LRRC27: variants seen among roughly 807,000 people sequenced by gnomAD.
LRRC27 encodes leucine-rich repeat-containing protein 27.
Under a neutral mutation model 55.0 loss-of-function variants are expected in LRRC27, and 57 were observed. The ratio of observed to expected loss-of-function variants is 1.04; its 90% CI spans 0.84 to 1.29. The LOEUF is 1.29. LRRC27 is among the 50% of genes most tolerant of loss of function. The pLI, the probability that LRRC27 is intolerant of heterozygous loss-of-function variation, is 0.00. For synonymous variants in LRRC27, 278 were observed against 251.9 expected (o/e 1.10, Z -0.98); for missense variants, 721 against 651.5 (o/e 1.11, Z -1.16).
intron 10 of LRRC27, among the ~76,000 whole-genome samples, chr10:132,368,666 T>C (rs1291885852): frequency 1.3e-5 from 2 of 149,344 alleles, no homozygotes; most frequent in African/African-American, 4.8e-5. Flanking sequence ...AAATGGATCA[T>C]AGACCTAAAC....
chr10:132,346,374 A>T (rs1283941553), intron 5 of LRRC27, among the ~76,000 whole-genome samples: 1 of 152,042 alleles, frequency 6.6e-6, no homozygotes, highest in Non-Finnish European at 1.5e-5. Flanking sequence ...TGTCCTTTCA[A>T]TTACTTTAAA....
chr10:132,379,811 G>A lies in LRRC27; in HGVS notation c.*4569G>A, dbSNP rs549093042. 6.6e-6 allele frequency: 1 copy of A among 151,960 alleles called. No homozygotes were observed. Among genetic ancestry groups the A allele is most frequent in the South Asian group, 2.1e-4 (1 of 4,802 alleles). The allele number at this position is 151,960 out of a possible 1,614,324, so 9.4% of individuals were successfully genotyped here. ...TTGAACAAGAGTTTGAATTATAAGGGTCCACTTATAAGTGGATTTTTAAAA... is the reference window on the plus strand; with the variant it reads ...TTGAACAAGAGTTTGAATTATAAGGATCCACTTATAAGTGGATTTTTAAAA... On this transcript the variant is annotated 3_prime_UTR_variant, in exon 11 of 11. Transcript: ENST00000368614.
In LRRC27 at chr10:132,378,232, TG is replaced by T. The variant is rs1162166661; in HGVS notation, c.*2993del. The T allele has an allele frequency of 6.6e-6, 1 of 151,926 alleles. No individual in the cohort carries two copies. The highest frequency in any genetic ancestry group is 1.9e-4 in the East Asian group (1 of 5,182). The allele number at this position is 151,926 out of a possible 1,614,324, so 9.4% of individuals were successfully genotyped here. A position where few individuals can be genotyped will look rare whatever the true frequency, so the allele number is the denominator to read the frequency against. On this transcript the variant is annotated 3_prime_UTR_variant, in exon 11 of 11. Transcript: ENST00000368614. ...TTATTTGTTGCTCCTTTGAAGGTAA[TG>T]GGTCTTTTTTCTTTGTCTTAAAATT...
intron 2 of LRRC27, among the ~76,000 whole-genome samples, chr10:132,335,397 T>C (rs1049455875): frequency 1.3e-4 from 19 of 150,520 alleles, no homozygotes; most frequent in African/African-American, 4.4e-4. Context: ...ACAGTCTTCC[T>C]GGACTTCGCC....
chr10:132,361,656 G>A (rs1465218660), intron 9 of LRRC27, 81 bp downstream of exon 9: 38 of 1,033,026 alleles, frequency 3.7e-5, no homozygotes, highest in Non-Finnish European at 4.7e-5. Flanking sequence ...TATTTCATGA[G>A]CATGCACTGA....
rs2068275389 is a variant in LRRC27, at chr10:132,355,688, C to T, written c.1074-102C>T. The T allele has an allele frequency of 4.6e-6, 4 of 868,152 alleles. No individual in the cohort carries two copies. In the East Asian group the frequency reaches 8.4e-5, roughly 18 times the overall value. The allele number at this position is 868,152 out of a possible 1,614,324, so 53.8% of individuals were successfully genotyped here. ...CATGCACGCCCCCAGCCTGTGCCCC[C>T]TGGAGACAGGTGCACCGCAAGGCTG... On this transcript the variant is annotated intron_variant, in intron 7 of 10. Coordinates refer to ENST00000368614, the MANE Select transcript of LRRC27 (RefSeq NM_030626.3).
chr10:132,354,506 C>T (rs981427511), intron 7 of LRRC27, among the ~76,000 whole-genome samples: 2 of 152,174 alleles, frequency 1.3e-5, no homozygotes, highest in Non-Finnish European at 1.5e-5. Context: ...GGGCTGGGGG[C>T]TGGGGGCTGG....
In LRRC27 at chr10:132,381,496, C is replaced by T. The variant is rs1380347269; in HGVS notation, c.*6254C>T. 6.6e-6 allele frequency among the ~76,000 whole-genome samples: 1 copy of T among 152,204 alleles called. No individual in the cohort carries two copies. The highest frequency in any genetic ancestry group is 1.5e-5 in the Non-Finnish European group (1 of 68,038). ...TGCCTCAGTTCTCCTTAATAAACTC[C>T]ATTTCATATGTATATATATCCTATT... On this transcript the variant is annotated 3_prime_UTR_variant, in exon 11 of 11. Transcript: ENST00000368614.
At chr10:132,356,797 C>T (rs2132999772) in intron 8 of LRRC27, among the ~76,000 whole-genome samples, 1 of 152,394 alleles carries the variant, frequency 6.6e-6, no homozygotes, top group African/African-American at 2.4e-5. Context: ...CTCCTCCCTC[C>T]AGAATGCGCC....
chr10:132,371,566 G>A (rs2069217313), intron 10 of LRRC27, among the ~76,000 whole-genome samples: 1 of 152,210 alleles, frequency 6.6e-6, no homozygotes. Flanking sequence ...CTGCCTGCTT[G>A]TCAGGAGGCT....
At chr10:132,363,431 C>T (rs935160783) in intron 9 of LRRC27, among the ~76,000 whole-genome samples, 1 of 152,190 alleles carries the variant, frequency 6.6e-6, no homozygotes, top group Non-Finnish European at 1.5e-5. Flanking sequence ...AAGGACCAGG[C>T]TGACACGGAG....
At chr10:132,363,449 G>A (rs1317702014) in intron 9 of LRRC27, among the ~76,000 whole-genome samples, 1 of 152,188 alleles carries the variant, frequency 6.6e-6, no homozygotes. Context: ...GAGCCTCAGT[G>A]TGGACACACC....
Position 132,361,365 on chromosome 10 carries a change from C to T in LRRC27, c.1171-92C>T, listed in dbSNP as rs139250878. On this transcript the variant is annotated intron_variant, in intron 8 of 10. Transcript: ENST00000368614. ...GGCCTCGGACCCACCTCTTCGTGGA[C>T]GAGGAGCTAGTCTAACACACCTTGC... The T allele has an allele frequency of 5.9e-5, 64 of 1,081,140 alleles. 1 individual carries two copies. Among genetic ancestry groups the T allele is most frequent in the Middle Eastern group, 2.0e-4 (1 of 4,988 alleles). 67.0% of individuals were successfully genotyped at this position (1,081,140 alleles called of 1,614,324 possible).
Position 132,333,739 on chromosome 10 carries a change from G to A in LRRC27, c.210+5G>A. On this transcript the variant is annotated splice_donor_5th_base_variant and intron_variant, in intron 2 of 10. Transcript: ENST00000368614. ...TTTAGAATCCCCAGCCTTCAAGTAA[G>A]TGGGGCTGCTCCTCAGGCTGTGTGC... 6.2e-7 allele frequency: 1 copy of A among 1,610,576 alleles called. No homozygotes were observed. Among genetic ancestry groups the A allele is most frequent in the Non-Finnish European group, 8.5e-7 (1 of 1,178,690 alleles).
At chr10:132,331,817 C>A (rs181309246), upstream of LRRC27, 11 of 1,573,458 alleles carry the variant, frequency 7.0e-6, no homozygotes, top group Non-Finnish European at 9.5e-6. Context: ...TCGACCACCA[C>A]CCCTTCAAGG....
chr10:132,364,629 G>A (rs112313496), intron 9 of LRRC27, among the ~76,000 whole-genome samples: 1,275 of 40,020 alleles, frequency 0.032, 206 homozygotes, highest in African/African-American at 0.09. Flanking sequence ...CTACCTCCAC[G>A]CCCACACTTA....
rs2068612230 is a variant in LRRC27, at chr10:132,361,470, T to G, written c.1184T>G (p.Ile395Ser). The G allele has an allele frequency of 6.2e-7, 1 of 1,613,108 alleles. No homozygotes were observed. The highest frequency in any genetic ancestry group is 8.5e-7 in the Non-Finnish European group (1 of 1,179,398). ...PPRRSMVASK[I>S]PSATDLIDNR... ...GCATTTTCCTAGGTGGCATCAAAGA[T>G]TCCCTCTGCCACAGATCTGATAGAT... Residue 395 changes from isoleucine (I) to serine (S), a missense_variant, in exon 9 of 11, where the codon ATT becomes AGT. Coordinates refer to ENST00000368614, the MANE Select transcript of LRRC27 (RefSeq NM_030626.3).
At chr10:132,339,148 C>A (rs1016352334) in intron 3 of LRRC27, among the ~76,000 whole-genome samples, 1 of 152,070 alleles carries the variant, frequency 6.6e-6, no homozygotes, top group Non-Finnish European at 1.5e-5. Flanking sequence ...TGGTGGGATG[C>A]GGGTGGGTGT....
chr10:132,338,563 C>G (rs1379478717), intron 3 of LRRC27, among the ~76,000 whole-genome samples: 1 of 152,152 alleles, frequency 6.6e-6, no homozygotes. Context: ...TCAGCCTGGC[C>G]CTTCCCCAGC....
Sources: gnomAD v4.1 joint callset for allele counts (sites outside exome capture counted in the v4.1 genomes callset) on GRCh38, gnomAD v4.1.1 for gene constraint, MANE v1.5 for transcripts, NCBI Gene and HGNC (gene_info 2026-07-23, HGNC 2026-07-21) for gene names.